RBM25: variants seen among roughly 807,000 people sequenced by gnomAD.
RBM25 encodes RNA-binding protein 25.
RBM25 carries 19 observed loss-of-function variants against 120.7 expected under a neutral mutation model. The ratio of observed to expected loss-of-function variants is 0.16; its 90% CI spans 0.11 to 0.23. The LOEUF (loss-of-function observed/expected upper bound fraction) is 0.23, where lower values mean the gene tolerates loss of function less well. Ranked by LOEUF, RBM25 falls within the 10% of genes least tolerant of loss-of-function variation. The pLI is 1.00. For synonymous variants in RBM25, 390 were observed against 326.7 expected, an observed-to-expected ratio of 1.19 and a Z score of -2.09; for missense variants, 605 against 1,041.5, an observed-to-expected ratio of 0.58 and a Z score of 5.77.
chr14:73,082,590 T>G (rs1895588496), intron 4 of RBM25, among the ~76,000 whole-genome samples: 1 of 152,174 alleles, frequency 6.6e-6, no homozygotes. Flanking sequence ...ACCTCGCTGC[T>G]TTTATTTTTA....
In RBM25 at chr14:73,122,897, C is replaced by G. The variant is rs907636965; in HGVS notation, c.*3092C>G. ...AGGTGTCTATTCAGTATTATTTTAT[C>G]CTAACAGACTACATAAATGCAGCTG... On this transcript the variant is annotated 3_prime_UTR_variant, in exon 19 of 19. Coordinates refer to ENST00000261973, the MANE Select transcript of RBM25 (RefSeq NM_021239.3). 2.0e-5 allele frequency: 3 copies of G among 152,150 alleles called. No homozygotes were observed. Among genetic ancestry groups the G allele is most frequent in the Non-Finnish European group, 4.4e-5 (3 of 68,024 alleles). The allele number at this position is 152,150 out of a possible 1,614,324, so 9.4% of individuals were successfully genotyped here.
intron 17 of RBM25, among the ~76,000 whole-genome samples, chr14:73,112,716 G>A (rs1159974886): frequency 2.6e-5 from 4 of 152,082 alleles, no homozygotes; most frequent in Admixed American, 6.5e-5. Flanking sequence ...TCGTAGTAAC[G>A]ATCAGTGTTT....
intron 5 of RBM25, among the ~76,000 whole-genome samples, chr14:73,084,849 C>T (rs980917915): frequency 1.3e-5 from 2 of 150,334 alleles, no homozygotes; most frequent in African/African-American, 2.4e-5. Flanking sequence ...TGCTCCTGGC[C>T]GCTATTTTTT....
intron 5 of RBM25, among the ~76,000 whole-genome samples, chr14:73,084,085 A>G (rs1259684484): frequency 6.6e-6 from 1 of 151,808 alleles, no homozygotes; most frequent in Non-Finnish European, 1.5e-5. Flanking sequence ...TTTAGTAGAG[A>G]CGGGGTTTCA....
chr14:73,118,554 A>G (rs949490778), intron 18 of RBM25, among the ~76,000 whole-genome samples: 2 of 151,950 alleles, frequency 1.3e-5, no homozygotes, highest in Admixed American at 6.6e-5. Flanking sequence ...ATGTAATTGT[A>G]TATTATTTAG....
At chr14:73,070,567 A>G (rs1895261682) in intron 1 of RBM25, among the ~76,000 whole-genome samples, 1 of 152,142 alleles carries the variant, frequency 6.6e-6, no homozygotes, top group Non-Finnish European at 1.5e-5. Flanking sequence ...ATGGTTCATG[A>G]GCACATTTGT....
In RBM25 at chr14:73,083,550, A is replaced by G. The variant is rs781740395; in HGVS notation, c.381A>G (p.Gln127=). Residue 127 remains glutamine (Q), a splice_region_variant and synonymous_variant, in exon 5 of 19, where the codon CAA becomes CAG. Transcript: ENST00000261973. Reference sequence around the variant, plus strand: ...TACAAGGTGCTTCCGGAAAGCTTCAAGGTATGTCATTTTTTTCCTTATTTG... The same window carrying G: ...TACAAGGTGCTTCCGGAAAGCTTCAGGGTATGTCATTTTTTTCCTTATTTG... ...KRVQGASGKL[Q]AFGFCEYKEP... is the part of the protein sequence containing the mutation. 1.9e-6 allele frequency: 3 copies of G among 1,570,488 alleles called. No homozygotes were observed. Among genetic ancestry groups the G allele is most frequent in the South Asian group, 1.2e-5 (1 of 82,366 alleles).
rs753041007 is a variant in RBM25, at chr14:73,111,577, A to G, written c.2067A>G (p.Leu689=). ...CTAATTCTGTGAAGAGAAAGAAACT[A>G]CCTGTAGATAGTGTCTTTAACAAAT... ...GQPNSVKRKK[L]PVDSVFNKFE... is the part of the protein sequence containing the mutation. The change falls in exon 16 of 19, where the codon CTA becomes CTG. Residue 689 remains leucine, a synonymous_variant. Coordinates refer to ENST00000261973, the MANE Select transcript of RBM25 (RefSeq NM_021239.3). The G allele has an allele frequency of 2.5e-6, 4 of 1,613,438 alleles. No homozygotes were observed. The South Asian group carries it at 3.3e-5, about 13-fold the overall frequency.
intron 18 of RBM25, 50 bp downstream of exon 18, chr14:73,114,383 T>C (rs762514170): frequency 7.2e-6 from 10 of 1,386,054 alleles, no homozygotes; most frequent in Non-Finnish European, 9.9e-6. Flanking sequence ...AAAAAAGTTT[T>C]TGGTTTTTTT....
intron 6 of RBM25, among the ~76,000 whole-genome samples, chr14:73,096,158 A>C (rs1895937474): frequency 6.6e-6 from 1 of 152,004 alleles, no homozygotes; most frequent in Non-Finnish European, 1.5e-5. Context: ...TTGTATTTTT[A>C]GTAGAGTGGG....
At chr14:73,119,665 TTGA>T (rs1318409992) in intron 18 of RBM25, 45 bp from the exon 19 acceptor site, 1 of 1,604,996 alleles carries the variant, frequency 6.2e-7, no homozygotes. Flanking sequence ...TTGGCAGATG[TTGA>T]TGATTGCTTC....
intron 4 of RBM25, among the ~76,000 whole-genome samples, chr14:73,079,232 G>C (rs1352245218): frequency 2.0e-5 from 3 of 150,562 alleles, no homozygotes; most frequent in Non-Finnish European, 4.5e-5. Flanking sequence ...AGACCAGCCT[G>C]ATCAACATGG....
intron 1 of RBM25, among the ~76,000 whole-genome samples, chr14:73,065,347 C>T (rs1211885469): frequency 6.6e-6 from 1 of 151,938 alleles, no homozygotes; most frequent in Non-Finnish European, 1.5e-5. Context: ...GGGCTGGTCT[C>T]CAACTCCTGA....
Position 73,105,915 on chromosome 14 carries a change from A to G in RBM25, c.1211A>G (p.Glu404Gly). Residue 404 changes from glutamate to glycine, a missense_variant, in exon 11 of 19, where the codon GAA becomes GGA. Physicochemically the swap from Glu to Gly is moderately conservative, Grantham distance 98 (BLOSUM62 -2). Around this residue, in one of 4 missense-constraint regions of RBM25, gnomAD observed 465 missense variants for 741.6 expected, o/e 0.63. Transcript: ENST00000261973. ...GAGCGGGAAAGAGAGAGAGAGAGAG[A>G]ACGAGAGCGAGAACGAGAACGGGAG... is the stretch of plus-strand genomic sequence containing the variant. Reference protein sequence around the residue: ...ERERERERERERERERERERE... With the variant: ...ERERERERERGRERERERERE... 6.2e-7 allele frequency: 1 copy of G among 1,611,582 alleles called. No homozygotes were observed.
At chr14:73,111,878 AAAAC>A in intron 16 of RBM25, 76 bp downstream of exon 16, 2 of 1,458,696 alleles carry the variant, frequency 1.4e-6, no homozygotes, top group Non-Finnish European at 1.8e-6. Flanking sequence ...TGAAGAAAAA[AAAAC>A]CTCATTTGAT....
In RBM25 at chr14:73,103,345, C is replaced by T. The variant is rs769414154; in HGVS notation, c.1021C>T (p.Arg341Trp). ...REREREKEKE[R>W]ERERERDRDR... ...ACGTGAACGAGAAAAGGAGAAAGAACGGGAGCGGGAACGAGAACGGGATAG... is the reference window on the plus strand; with the variant it reads ...ACGTGAACGAGAAAAGGAGAAAGAATGGGAGCGGGAACGAGAACGGGATAG... Residue 341 changes from arginine to tryptophan, a missense_variant, in exon 10 of 19, where the codon CGG (arginine) becomes TGG (tryptophan). By Grantham distance (101) the Arg-to-Trp change is moderately radical. This residue lies in a region of RBM25 where 465 missense variants were observed against 741.6 expected (regional missense o/e 0.63). Transcript: ENST00000261973. The T allele has an allele frequency of 1.3e-6, 2 of 1,596,956 alleles. No individual in the cohort carries two copies. Among genetic ancestry groups the T allele is most frequent in the African/African-American group, 2.7e-5 (2 of 74,700 alleles).
At chr14:73,098,181 G>A (rs1310753961) in intron 7 of RBM25, among the ~76,000 whole-genome samples, 2 of 152,216 alleles carry the variant, frequency 1.3e-5, no homozygotes. Flanking sequence ...ACAGACTGGA[G>A]GATGGTGGCG....
At chr14:73,073,530 A>G (rs1346528803) in intron 2 of RBM25, among the ~76,000 whole-genome samples, 1 of 152,198 alleles carries the variant, frequency 6.6e-6, no homozygotes, top group Admixed American at 6.5e-5. Flanking sequence ...TCTGCTAAAA[A>G]TACAAAAAAT....
Position 73,088,160 on chromosome 14 carries a change from G to C in RBM25, c.542G>C (p.Gly181Ala). The C allele has an allele frequency of 6.2e-7, 1 of 1,613,944 alleles. No individual in the cohort carries two copies. The highest frequency in any genetic ancestry group is 8.5e-7 in the Non-Finnish European group (1 of 1,179,954). Residue 181 changes from glycine to alanine, a missense_variant and splice_region_variant, in exon 6 of 19, where the codon GGG becomes GCG. Gly to Ala is a moderately conservative substitution (Grantham distance 60). Around this residue, in one of 4 missense-constraint regions of RBM25, gnomAD observed 465 missense variants for 741.6 expected, o/e 0.63. Transcript: ENST00000261973. ...AAAGCAAAGAAGAAAGCTTCTAATG[G>C]GGTATGTTTTCTGTCGTGTTATCTT... is the stretch of plus-strand genomic sequence containing the variant. ...EWKAKKKASN[G>A]NARPETVTND... is the part of the protein sequence containing the mutation.
Sources: allele counts gnomAD v4.1 joint callset (sites outside exome capture counted in the v4.1 genomes callset), GRCh38; gene constraint gnomAD v4.1.1; regional missense constraint gnomAD v4.1.1; transcripts MANE v1.5; gene names NCBI Gene and HGNC (gene_info 2026-07-23, HGNC 2026-07-21).